PTPRD: variants seen among roughly 807,000 people sequenced by gnomAD.
PTPRD encodes protein tyrosine phosphatase receptor type D.
Under a neutral mutation model 214.5 loss-of-function variants are expected in PTPRD, and 34 were observed. The ratio of observed to expected loss-of-function variants is 0.16; its 90% confidence interval spans 0.12 to 0.21. PTPRD has a LOEUF of 0.21. Ranked by LOEUF, PTPRD falls within the 10% of genes least tolerant of loss-of-function variation. The probability of loss-of-function intolerance (pLI) is 1.00; values close to 1 mark genes in which losing one functional copy is unlikely to be tolerated. For synonymous variants in PTPRD, 1,128 were observed against 845.7 expected (o/e 1.33, Z -5.79); for missense variants, 2,545 against 2,398.7 (o/e 1.06, Z -1.27).
chr9:8,876,803 C>A (rs2098395975), intron 11 of PTPRD, among the ~76,000 whole-genome samples: 1 of 152,182 alleles, frequency 6.6e-6, no homozygotes, highest in Non-Finnish European at 1.5e-5. Context: ...TTGCAAATGT[C>A]TTTAAAAGTT....
At chr9:9,060,711 A>G (rs997802576) in intron 10 of PTPRD, among the ~76,000 whole-genome samples, 2 of 152,134 alleles carry the variant, frequency 1.3e-5, no homozygotes, top group African/African-American at 4.8e-5. Flanking sequence ...AATCAGAGAG[A>G]CTGTTTCTCT....
At chr9:9,000,809 A>G (rs1217006702) in intron 11 of PTPRD, among the ~76,000 whole-genome samples, 2 of 152,002 alleles carry the variant, frequency 1.3e-5, no homozygotes, top group African/African-American at 2.4e-5. Context: ...CTTAACCTGA[A>G]GAGACCCTCT....
At chr9:9,619,000 T>G (rs1180830428) in intron 7 of PTPRD, among the ~76,000 whole-genome samples, 1 of 152,088 alleles carries the variant, frequency 6.6e-6, no homozygotes, top group African/African-American at 2.4e-5. Context: ...AAGAAGAATG[T>G]TTCTGAAACG....
intron 43 of PTPRD, among the ~76,000 whole-genome samples, chr9:8,333,122 C>G (rs1587875134): frequency 1.3e-5 from 2 of 152,010 alleles, no homozygotes; most frequent in East Asian, 3.9e-4. Flanking sequence ...AAGATGACAC[C>G]AAGTGTGTGG....
intron 10 of PTPRD, among the ~76,000 whole-genome samples, chr9:9,091,998 C>A (rs985555121): frequency 1.3e-5 from 2 of 152,272 alleles, no homozygotes; most frequent in Admixed American, 6.5e-5. Flanking sequence ...TCTTTTCTCT[C>A]AGTTTATCTT....
chr9:9,116,561 C>G (rs1398342296), intron 10 of PTPRD, among the ~76,000 whole-genome samples: 1 of 152,058 alleles, frequency 6.6e-6, no homozygotes, highest in African/African-American at 2.4e-5. Flanking sequence ...CCAGACTTCA[C>G]CACTATACAA....
At chr9:9,739,539 T>C (rs1363956720) in intron 6 of PTPRD, among the ~76,000 whole-genome samples, 3 of 152,106 alleles carry the variant, frequency 2.0e-5, no homozygotes, top group Admixed American at 6.6e-5. Flanking sequence ...CATCAGGGTT[T>C]ATAGTGATTT....
chr9:10,188,140 G>A (rs182774411), intron 3 of PTPRD, among the ~76,000 whole-genome samples: 62 of 152,092 alleles, frequency 4.1e-4, no homozygotes, highest in African/African-American at 5.1e-4. Flanking sequence ...TCATTTATGC[G>A]GTTTGTCCCA....
intron 6 of PTPRD, among the ~76,000 whole-genome samples, chr9:9,737,935 T>G (rs2098329038): frequency 6.6e-6 from 1 of 152,142 alleles, no homozygotes; most frequent in African/African-American, 2.4e-5. Context: ...CATTTCACAT[T>G]TCCACTAGCA....
At chr9:9,140,442 T>C (rs1399267071) in intron 10 of PTPRD, among the ~76,000 whole-genome samples, 1 of 152,158 alleles carries the variant, frequency 6.6e-6, no homozygotes, top group African/African-American at 2.4e-5. Flanking sequence ...GATATAACCT[T>C]TGAAAAATAT....
At chr9:9,024,601 T>A (rs324492) in intron 10 of PTPRD, among the ~76,000 whole-genome samples, 58,975 of 151,496 alleles carry the variant, frequency 0.39, 11,726 homozygotes, top group Middle Eastern at 0.47. Flanking sequence ...ATTATCATTT[T>A]AAAATTTTTG....
chr9:9,545,966 C>A (rs1407964188), intron 8 of PTPRD, among the ~76,000 whole-genome samples: 1 of 151,530 alleles, frequency 6.6e-6, no homozygotes, highest in Non-Finnish European at 1.5e-5. Context: ...TTTATTCTAT[C>A]AGGGTTTTTC....
intron 26 of PTPRD, among the ~76,000 whole-genome samples, chr9:8,495,981 T>C (rs1188130807): frequency 6.6e-6 from 1 of 152,104 alleles, no homozygotes; most frequent in Non-Finnish European, 1.5e-5. Context: ...ACTCTTCTGG[T>C]TTTCCCAGTA....
At chr9:9,247,634 C>A (rs2099973655) in intron 9 of PTPRD, among the ~76,000 whole-genome samples, 1 of 152,028 alleles carries the variant, frequency 6.6e-6, no homozygotes, top group Admixed American at 6.6e-5. Context: ...TAGCCAAAGC[C>A]TCTCCAATAC....
At chr9:9,189,219 T>C (rs896146389) in intron 9 of PTPRD, among the ~76,000 whole-genome samples, 1 of 152,014 alleles carries the variant, frequency 6.6e-6, no homozygotes, top group Non-Finnish European at 1.5e-5. Context: ...AAAAATATCC[T>C]CTAGAGTCAG....
intron 8 of PTPRD, among the ~76,000 whole-genome samples, chr9:9,519,422 T>A (rs1051943318): frequency 4.0e-5 from 6 of 151,654 alleles, no homozygotes; most frequent in African/African-American, 1.2e-4. Flanking sequence ...TAGAAATGAC[T>A]AATACAACTA....
intron 9 of PTPRD, among the ~76,000 whole-genome samples, chr9:9,197,345 T>C (rs1376846071): frequency 2.6e-5 from 4 of 152,308 alleles, no homozygotes; most frequent in African/African-American, 9.6e-5. Flanking sequence ...ACTCAACTTC[T>C]TTGACTGGTG....
intron 4 of PTPRD, among the ~76,000 whole-genome samples, chr9:10,023,507 G>C (rs1177510124): frequency 6.6e-6 from 1 of 151,948 alleles, no homozygotes; most frequent in African/African-American, 2.4e-5. Flanking sequence ...TAACTTCTGT[G>C]TTTGTACCAT....
At chr9:10,511,946 A>ATT (rs2048263690) in intron 2 of PTPRD, among the ~76,000 whole-genome samples, 1 of 56,200 alleles carries the variant, frequency 1.8e-5, no homozygotes, top group Non-Finnish European at 3.8e-5. Context: ...ATATATATAT[A>ATT]CGTGTGTGTA....
Sources: gnomAD v4.1 joint callset for allele counts (sites outside exome capture counted in the v4.1 genomes callset) on GRCh38, gnomAD v4.1.1 for gene constraint, MANE v1.5 for transcripts, NCBI Gene and HGNC (gene_info 2026-07-23, HGNC 2026-07-21) for gene names.